The following EBF2 variants were observed in gnomAD, a reference collection of about 807,000 sequenced individuals.
EBF2 encodes EBF transcription factor 2.
In EBF2, 21 loss-of-function variants were observed where a neutral mutation model predicts 72.8. The observed-to-expected ratio is 0.29, with a 90% confidence interval of 0.20 to 0.42. The LOEUF is 0.42. EBF2 is among the 10% of genes least tolerant of loss of function. The pLI, the probability that EBF2 is intolerant of heterozygous loss-of-function variation, is 1.00. For missense variants in EBF2, 637 were observed against 731.2 expected (o/e 0.87, Z 1.49); for synonymous variants, 299 against 274.2 (o/e 1.09, Z -0.89).
intron 2 of EBF2, among the ~76,000 whole-genome samples, 189 bp downstream of exon 2, chr8:26,041,906 G>C (rs1469737703): frequency 6.6e-6 from 1 of 152,224 alleles, no homozygotes; most frequent in East Asian, 1.9e-4. Flanking sequence ...TCCAGCTCCA[G>C]GTTGGGGGAG....
chr8:26,035,131 C>T (rs1279602149), intron 5 of EBF2, among the ~76,000 whole-genome samples: 1 of 129,472 alleles, frequency 7.7e-6, no homozygotes, highest in East Asian at 2.4e-4. Flanking sequence ...CTAGCACCAA[C>T]CCAGTCTTAG....
At chr8:26,020,994 A>G (rs962941918) in intron 6 of EBF2, among the ~76,000 whole-genome samples, 1 of 152,226 alleles carries the variant, frequency 6.6e-6, no homozygotes, top group Non-Finnish European at 1.5e-5. Context: ...TGTGCAATTT[A>G]TCACTCGAGC....
At chr8:25,978,803 C>T (rs1036411978) in intron 6 of EBF2, among the ~76,000 whole-genome samples, 1 of 152,158 alleles carries the variant, frequency 6.6e-6, no homozygotes, top group African/African-American at 2.4e-5. Context: ...AGGGGCCCTT[C>T]GGTGCACAGT....
intron 7 of EBF2, 70 bp downstream of exon 7, chr8:25,908,393 GAAAAAGAAAAT>G: frequency 1.8e-6 from 2 of 1,137,568 alleles, no homozygotes. Context: ...AATTTTTAAA[GAAAAAGAAAAT>G]AAAAAGAGTG....
chr8:26,040,996 CT>C lies in EBF2; in HGVS notation c.294del (p.Gly99AlafsTer56). Reference protein sequence around the residue: ...FVDFVENDKEQGNEKTNNGTH... With the variant: ...FVDFVENDKEXGNEKTNNGTH... ...GTGCCGTTGTTGGTCTTCTCGTTGC[CT>C]TGTTCCTGAAAAGACAGGCAGCGTT... On this transcript the variant is annotated frameshift_variant, in exon 3 of 16. Transcript: ENST00000520164. LOFTEE classifies it high-confidence loss of function. The C allele has an allele frequency of 6.2e-7, 1 of 1,614,166 alleles. No individual in the cohort carries two copies. Among genetic ancestry groups the C allele is most frequent in the Non-Finnish European group, 8.5e-7 (1 of 1,180,026 alleles).
rs139847700 is a variant in EBF2 at position 25,853,149 on chromosome 8, C to CTT, written c.1529-2389_1529-2388insAA. On this transcript the variant is annotated intron_variant, in intron 14 of 15. Transcript: ENST00000520164. ...AAAATAAATCTAAGTAGATTAAAGA[C>CTT]ATTTTTAAAAGCAAAATTGTAAAAG... Among the ~76,000 whole-genome samples the CTT allele has an allele frequency of 8.7e-3, 1,320 of 152,198 alleles. 19 individuals carry two copies. Among genetic ancestry groups the CTT allele is most frequent in the African/African-American group, 0.03 (1,257 of 41,518 alleles).
At chr8:25,981,465 T>C (rs1804359940) in intron 6 of EBF2, among the ~76,000 whole-genome samples, 1 of 151,950 alleles carries the variant, frequency 6.6e-6, no homozygotes, top group Non-Finnish European at 1.5e-5. Flanking sequence ...AGGAAAAGCA[T>C]GAACCAATGC....
At chr8:25,855,097 A>G (rs1802060945) in intron 14 of EBF2, among the ~76,000 whole-genome samples, 1 of 152,200 alleles carries the variant, frequency 6.6e-6, no homozygotes, top group African/African-American at 2.4e-5. Context: ...CTCTCTATGG[A>G]TAGAGGCCAA....
chr8:26,025,047 T>C (rs1329506254), intron 6 of EBF2, among the ~76,000 whole-genome samples: 1 of 152,168 alleles, frequency 6.6e-6, no homozygotes, highest in Non-Finnish European at 1.5e-5. Flanking sequence ...CAAGAACTAA[T>C]ATCTTTGAGG....
chr8:25,897,249 G>C (rs1037809255), intron 7 of EBF2, among the ~76,000 whole-genome samples: 2 of 151,718 alleles, frequency 1.3e-5, no homozygotes, highest in South Asian at 4.2e-4. Context: ...TTTTAATTCT[G>C]TCAAGTTTAA....
At chr8:25,910,844 A>C (rs1355371526) in intron 6 of EBF2, among the ~76,000 whole-genome samples, 3 of 152,170 alleles carry the variant, frequency 2.0e-5, no homozygotes, top group Admixed American at 2.0e-4. Context: ...GTGAGAGAAG[A>C]CAGAGACAGA....
intron 6 of EBF2, among the ~76,000 whole-genome samples, chr8:25,954,103 T>C (rs966039052): frequency 6.6e-6 from 1 of 152,368 alleles, no homozygotes; most frequent in East Asian, 1.9e-4. Context: ...TCTATCATGC[T>C]AGCAACATAA....
At chr8:25,935,430 G>T (rs1225254734) in intron 6 of EBF2, among the ~76,000 whole-genome samples, 1 of 152,170 alleles carries the variant, frequency 6.6e-6, no homozygotes, top group African/African-American at 2.4e-5. Context: ...CAGATGTCAG[G>T]GTGGAATGCC....
intron 6 of EBF2, among the ~76,000 whole-genome samples, chr8:26,008,662 T>C (rs760213754): frequency 6.6e-6 from 1 of 152,108 alleles, no homozygotes; most frequent in Non-Finnish European, 1.5e-5. Context: ...TTGCCTGAAA[T>C]TTTACTGCCA....
intron 10 of EBF2, among the ~76,000 whole-genome samples, chr8:25,878,893 T>C (rs541438368): frequency 6.6e-6 from 1 of 151,646 alleles, no homozygotes; most frequent in East Asian, 1.9e-4. Context: ...CACCACCAAC[T>C]ATCAGGCTGG....
chr8:26,041,019 C>T lies in EBF2; in HGVS notation c.289-17G>A, dbSNP rs756390468. 2.5e-6 allele frequency: 4 copies of T among 1,613,668 alleles called. No homozygotes were observed. The African/African-American group carries it at 4.0e-5, about 16-fold the overall frequency. The stretch of plus-strand genomic sequence containing the variant: ...GCCTTGTTCCTGAAAAGACAGGCAG[C>T]GTTCGATTCCCTTGCCTTTCAGCCC... On this transcript the variant is annotated splice_polypyrimidine_tract_variant and intron_variant, in intron 2 of 15. Transcript: ENST00000520164.
intron 6 of EBF2, among the ~76,000 whole-genome samples, chr8:26,008,183 T>C (rs917249486): frequency 5.9e-5 from 9 of 152,046 alleles, no homozygotes; most frequent in Non-Finnish European, 1.2e-4. Context: ...AAGCAGTATT[T>C]ACAGCACACA....
In EBF2 at chr8:26,004,772, A is replaced by G. The variant is rs117647434; in HGVS notation, c.551+28313T>C. Reference sequence around the variant, plus strand: ...CAATTCCGTGACCAAAATTAATCATATCATTTAAAAAAAATAACAGTCCAC... The same window carrying G: ...CAATTCCGTGACCAAAATTAATCATGTCATTTAAAAAAAATAACAGTCCAC... On this transcript the variant is annotated intron_variant, in intron 6 of 15. Coordinates refer to ENST00000520164, the MANE Select transcript of EBF2 (RefSeq NM_022659.4). 9.9e-5 allele frequency among the ~76,000 whole-genome samples: 15 copies of G among 151,904 alleles called. No individual in the cohort carries two copies. In the East Asian group the frequency reaches 2.1e-3, roughly 22 times the overall value.
intron 6 of EBF2, among the ~76,000 whole-genome samples, chr8:25,939,825 G>A (rs1803640371): frequency 6.6e-6 from 1 of 152,196 alleles, no homozygotes; most frequent in Non-Finnish European, 1.5e-5. Context: ...CAGTTCCAGA[G>A]AACAGAAATG....
Sources: allele counts gnomAD v4.1 joint callset (sites outside exome capture counted in the v4.1 genomes callset), GRCh38; gene constraint gnomAD v4.1.1; transcripts MANE v1.5; gene names NCBI Gene and HGNC (gene_info 2026-07-23, HGNC 2026-07-21).